TMEM178B: variants seen among roughly 807,000 people sequenced by gnomAD.
TMEM178B encodes the protein transmembrane protein 178B.
Under a neutral mutation model 31.0 loss-of-function variants are expected in TMEM178B, and 5 were observed. The ratio of observed to expected loss-of-function variants is 0.16; its 90% CI spans 0.08 to 0.34. The LOEUF is 0.34. TMEM178B is among the 10% of genes least tolerant of loss of function. The pLI is 1.00. For missense variants in TMEM178B, 275 were observed against 400.3 expected, an observed-to-expected ratio of 0.69 and a Z score of 2.67; for synonymous variants, 164 against 164.0, an observed-to-expected ratio of 1.00 and a Z score of 0.00.
chr7:141,216,484 G>A (rs116462978), intron 2 of TMEM178B, among the ~76,000 whole-genome samples: 6,959 of 143,636 alleles, frequency 0.048, 742 homozygotes, highest in African/African-American at 0.16. Context: ...TGGGTGTGTG[G>A]TGGGGAAGAA....
At position 141,074,531 on chromosome 7, in the gene TMEM178B, G is replaced by A. The variant is rs749320563; in HGVS notation, c.221G>A (p.Arg74His). The A allele has an allele frequency of 2.0e-6, 3 of 1,536,004 alleles. No homozygotes were observed. The highest frequency in any genetic ancestry group is 1.4e-5 in the African/African-American group (1 of 73,174). The change falls in exon 1 of 4, where the codon CGC becomes CAC. Residue 74 changes from arginine to histidine, a missense_variant. Arg to His is a conservative substitution (Grantham distance 29). Transcript: ENST00000565468. This position sits in a 1 kb window ranked among gnomAD's most constrained non-coding sequence, Gnocchi z 5.1. ...PLRASRSRLD[R>H]WEGKLLRARN... ...CGGGCGAGCCGCTCGCGCCTGGACC[G>A]CTGGGAGGGCAAACTCCTCCGGGCC...
At chr7:141,232,134 A>C (rs963413083) in intron 2 of TMEM178B, among the ~76,000 whole-genome samples, 2 of 152,164 alleles carry the variant, frequency 1.3e-5, no homozygotes, top group African/African-American at 4.8e-5. Context: ...TGCAAAGGAC[A>C]TGCTCTCTTT....
intron 2 of TMEM178B, among the ~76,000 whole-genome samples, chr7:141,348,808 A>G (rs1799661595): frequency 6.6e-6 from 1 of 152,228 alleles, no homozygotes; most frequent in Admixed American, 6.5e-5. Context: ...AGTTAAGCTA[A>G]TGAAACCTCA....
chr7:141,499,902 G>A, the TMEM178B span, among the ~76,000 whole-genome samples: 22 of 152,264 alleles, frequency 1.4e-4, 1 homozygote, highest in African/African-American at 5.1e-4. Flanking sequence ...GATCACAAAC[G>A]TAATGTGATG....
At chr7:141,417,597 A>T (rs1204876600) in intron 2 of TMEM178B, among the ~76,000 whole-genome samples, 3 of 152,152 alleles carry the variant, frequency 2.0e-5, no homozygotes, top group Non-Finnish European at 4.4e-5. Flanking sequence ...AGGAGCTGGG[A>T]GTGACTTGGG....
At chr7:141,120,491 A>G (rs549286270) in intron 1 of TMEM178B, among the ~76,000 whole-genome samples, 2 of 152,344 alleles carry the variant, frequency 1.3e-5, no homozygotes, top group Non-Finnish European at 2.9e-5. Flanking sequence ...AAGCTTTTAA[A>G]TCTAGTTTTA....
intron 2 of TMEM178B, among the ~76,000 whole-genome samples, chr7:141,244,011 T>A (rs190001842): frequency 2.8e-3 from 422 of 152,308 alleles, no homozygotes; most frequent in Non-Finnish European, 3.7e-3. Context: ...AAACCGGGGC[T>A]GCGGACATTT....
At chr7:141,113,243 G>C (rs1242812786) in intron 1 of TMEM178B, among the ~76,000 whole-genome samples, 1 of 152,196 alleles carries the variant, frequency 6.6e-6, no homozygotes, top group Middle Eastern at 3.2e-3. Flanking sequence ...TTTAACAGTA[G>C]AGTCCATTTT....
chr7:141,250,307 A>G (rs1000796987), intron 2 of TMEM178B, among the ~76,000 whole-genome samples: 1 of 152,196 alleles, frequency 6.6e-6, no homozygotes, highest in African/African-American at 2.4e-5. Flanking sequence ...CATAGGTACT[A>G]TTATCATTAT....
chr7:141,466,269 C>T (rs1002738504), intron 3 of TMEM178B, among the ~76,000 whole-genome samples: 3 of 152,150 alleles, frequency 2.0e-5, no homozygotes, highest in African/African-American at 7.2e-5. Flanking sequence ...ACAGAGCAAC[C>T]AACAGGAAGT....
Position 141,344,054 on chromosome 7 carries a change from G to A in TMEM178B, c.497-93554G>A, listed in dbSNP as rs115652273. On this transcript the variant is annotated intron_variant, in intron 2 of 3. Coordinates refer to ENST00000565468, the MANE Select transcript of TMEM178B (RefSeq NM_001195278.2). This position sits in a 1 kb window ranked among gnomAD's most constrained non-coding sequence, Gnocchi z 4.1. The stretch of plus-strand genomic sequence containing the variant: ...TGGATTGTGACAGATTTTAAAATAC[G>A]GAGTATATGAGATATTGGCTCCTCA... 9.1e-3 allele frequency among the ~76,000 whole-genome samples: 1,385 copies of A among 152,174 alleles called. 19 individuals are homozygous for A. The highest frequency in any genetic ancestry group is 0.029 in the African/African-American group (1,210 of 41,528).
intron 2 of TMEM178B, among the ~76,000 whole-genome samples, chr7:141,358,405 A>G (rs1344035225): frequency 6.6e-6 from 1 of 152,122 alleles, no homozygotes; most frequent in Non-Finnish European, 1.5e-5. Context: ...AGAAACCTCT[A>G]TGTCTTTTCC....
chr7:141,259,369 T>C (rs1797978994), intron 2 of TMEM178B, among the ~76,000 whole-genome samples: 1 of 152,220 alleles, frequency 6.6e-6, no homozygotes, highest in Non-Finnish European at 1.5e-5. Flanking sequence ...TATGGTTTCC[T>C]TTAATTCTTT....
chr7:141,088,526 G>A (rs1451697098), intron 1 of TMEM178B, among the ~76,000 whole-genome samples: 4 of 152,076 alleles, frequency 2.6e-5, no homozygotes, highest in Non-Finnish European at 2.9e-5. Flanking sequence ...CACGTCTAGG[G>A]CCATTTTCTT....
intron 2 of TMEM178B, among the ~76,000 whole-genome samples, chr7:141,411,985 C>T (rs1417374856): frequency 6.6e-6 from 1 of 152,130 alleles, no homozygotes; most frequent in Non-Finnish European, 1.5e-5. Context: ...CAGGGCTTCC[C>T]AGGTTGGACT....
chr7:141,177,032 T>C (rs550754665), intron 1 of TMEM178B, among the ~76,000 whole-genome samples: 54 of 152,354 alleles, frequency 3.5e-4, no homozygotes, highest in African/African-American at 1.3e-3. Context: ...GTTCTTTTAA[T>C]TGTGATGTTA....
intron 1 of TMEM178B, among the ~76,000 whole-genome samples, chr7:141,168,787 AAAG>A (rs1162344419): frequency 2.0e-5 from 3 of 152,170 alleles, no homozygotes; most frequent in Non-Finnish European, 2.9e-5. Flanking sequence ...AAAAGAAAAA[AAAG>A]AAGATGATTC....
chr7:141,078,192 A>G (rs1348689963), intron 1 of TMEM178B, among the ~76,000 whole-genome samples: 1 of 152,180 alleles, frequency 6.6e-6, no homozygotes, highest in Non-Finnish European at 1.5e-5. Flanking sequence ...CTGAAATCCA[A>G]GAGACTTCCA....
At chr7:141,172,205 C>CTCAT (rs1195595932) in intron 1 of TMEM178B, among the ~76,000 whole-genome samples, 6 of 152,162 alleles carry the variant, frequency 3.9e-5, no homozygotes, top group African/African-American at 7.2e-5. Context: ...TTCGCTTCAT[C>CTCAT]TCATTCATTC....
Sources: gnomAD v4.1 joint callset for allele counts (sites outside exome capture counted in the v4.1 genomes callset) on GRCh38, gnomAD v4.1.1 for gene constraint, Gnocchi (gnomAD v3.1) non-coding constraint, MANE v1.5 for transcripts, NCBI Gene and HGNC (gene_info 2026-07-23, HGNC 2026-07-21) for gene names.